The following SFSWAP variants were observed in gnomAD, a reference collection of about 807,000 sequenced individuals.
SFSWAP encodes the protein splicing factor SWAP.
SFSWAP carries 17 observed loss-of-function variants against 100.7 expected under a neutral mutation model. The observed-to-expected ratio is 0.17, with a 90% confidence interval of 0.12 to 0.25. SFSWAP has a LOEUF of 0.25. Among genes scored for constraint, SFSWAP ranks in the 10% least tolerant of loss-of-function variants. The pLI is 1.00. For synonymous variants in SFSWAP, 504 were observed against 510.1 expected (o/e 0.99, Z 0.16); for missense variants, 1,005 against 1,262.6 (o/e 0.80, Z 3.09).
intron 13 of SFSWAP, 149 bp downstream of exon 13, chr12:131,766,457 A>G: frequency 1.4e-6 from 1 of 735,254 alleles, no homozygotes; most frequent in Middle Eastern, 4.0e-4. Context: ...AGTGGCTTTT[A>G]CTCTATAGCA....
At chr12:131,719,419 A>G (rs1268915559) in intron 3 of SFSWAP, 35 bp from the exon 4 acceptor site, 1 of 1,553,182 alleles carries the variant, frequency 6.4e-7, no homozygotes, top group East Asian at 2.2e-5. Flanking sequence ...TCCTCCCTGC[A>G]TTGTTCTGAA....
intron 7 of SFSWAP, among the ~76,000 whole-genome samples, chr12:131,746,277 T>G (rs915009110): frequency 6.6e-6 from 1 of 152,256 alleles, no homozygotes; most frequent in Non-Finnish European, 1.5e-5. Context: ...GAGGTGGTTC[T>G]CAGATGGAGC....
At chr12:131,735,912 A>C (rs997608290) in intron 7 of SFSWAP, among the ~76,000 whole-genome samples, 17 of 152,260 alleles carry the variant, frequency 1.1e-4, no homozygotes, top group African/African-American at 3.9e-4. Context: ...TGTTTGCATA[A>C]ATTTTCATCA....
At chr12:131,784,956 T>G (rs1884781994) in intron 14 of SFSWAP, 1 of 738,514 alleles carries the variant, frequency 1.4e-6, no homozygotes, top group South Asian at 2.7e-5. Flanking sequence ...GAATTCTACG[T>G]GTAAGCATTC....
chr12:131,754,302 G>C, intron 8 of SFSWAP, 66 bp from the exon 9 acceptor site: 1 of 1,347,552 alleles, frequency 7.4e-7, no homozygotes, highest in Non-Finnish European at 9.8e-7. Context: ...GAGGACCCCC[G>C]AGCAGCCAGG....
rs1157399503 is a variant in SFSWAP, at chr12:131,794,359, C to T, written c.2535-2819C>T. Among the ~76,000 whole-genome samples, 4 of 147,662 alleles carry T rather than the reference C, an allele frequency of 2.7e-5. No individual in the cohort carries two copies. The highest frequency in any genetic ancestry group is 2.7e-4 in the Admixed American group (4 of 14,834). ...AGGCTTTTTTTTTTTTTGGTAGAGA[C>T]CCCCATCTCTACTTAAAAAAAAAAA... On this transcript the variant is annotated intron_variant, in intron 15 of 17. Transcript: ENST00000261674. This position sits in a 1 kb window ranked among gnomAD's most constrained non-coding sequence, Gnocchi z 4.8.
At chr12:131,750,713 CAG>C (rs976939202) in intron 7 of SFSWAP, among the ~76,000 whole-genome samples, 10 of 152,148 alleles carry the variant, frequency 6.6e-5, no homozygotes, top group African/African-American at 2.2e-4. Context: ...GAGCTCAGCT[CAG>C]GGGCTCACTC....
At chr12:131,726,353 G>A (rs774467037) in intron 5 of SFSWAP, among the ~76,000 whole-genome samples, 1 of 152,206 alleles carries the variant, frequency 6.6e-6, no homozygotes, top group Non-Finnish European at 1.5e-5. Flanking sequence ...GGGATCGTGG[G>A]CACGTGCCAC....
Position 131,797,234 on chromosome 12 carries a change from C to T in SFSWAP, c.2591C>T (p.Ala864Val). ...TCCCGGTCGCGGACCAAGTCCAAGG[C>T]CAGGTCTCAGTCGGTGTCACCCAGC... ...RRSRSRTKSK[A>V]RSQSVSPSKQ... is the part of the protein sequence containing the mutation. Residue 864 changes from alanine to valine, a missense_variant, in exon 16 of 18, where the codon GCC (alanine) becomes GTC (valine). By Grantham distance (64) the Ala-to-Val change is moderately conservative. Coordinates refer to ENST00000261674, the MANE Select transcript of SFSWAP (RefSeq NM_004592.4). The T allele has an allele frequency of 6.2e-7, 1 of 1,612,532 alleles. No individual in the cohort carries two copies. Among genetic ancestry groups the T allele is most frequent in the Non-Finnish European group, 8.5e-7 (1 of 1,179,858 alleles).
Position 131,754,562 on chromosome 12 carries a change from T to A in SFSWAP, c.1454+63T>A, listed in dbSNP as rs574604255. ...TTGGGGGTTTCGTTTAGCCTTTTTT[T>A]AAAAAAATGTAGGTACAGAATTAAT... On this transcript the variant is annotated intron_variant, in intron 9 of 17. Coordinates refer to ENST00000261674, the MANE Select transcript of SFSWAP (RefSeq NM_004592.4). 52 of 1,213,578 alleles carry A rather than the reference T, an allele frequency of 4.3e-5. No individual in the cohort carries two copies. In the South Asian group the frequency reaches 7.4e-4, roughly 17 times the overall value. 75.2% of individuals were successfully genotyped at this position (1,213,578 alleles called of 1,614,324 possible).
Position 131,719,856 on chromosome 12 carries a change from C to T in SFSWAP, c.606+317C>T, listed in dbSNP as rs181357056. Among the ~76,000 whole-genome samples, 636 of 152,296 alleles carry T rather than the reference C, an allele frequency of 4.2e-3. 4 individuals carry two copies. Among genetic ancestry groups the T allele is most frequent in the South Asian group, 0.023 (110 of 4,824 alleles). On this transcript the variant is annotated intron_variant, in intron 4 of 17. Transcript: ENST00000261674. ...AGGATCAGTGGCGAGTGGGCTGCTCCCCACACATAGATGTAAAAGCACTCA... is the reference window on the plus strand; with the variant it reads ...AGGATCAGTGGCGAGTGGGCTGCTCTCCACACATAGATGTAAAAGCACTCA...
At chr12:131,740,966 CTTTTTTT>C (rs60047663) in intron 7 of SFSWAP, among the ~76,000 whole-genome samples, 2,463 of 70,160 alleles carry the variant, frequency 0.035, 29 homozygotes, top group South Asian at 0.074. Context: ...TCTTTTTTTT[CTTTTTTT>C]TTTTTTTTTT....
intron 15 of SFSWAP, among the ~76,000 whole-genome samples, chr12:131,791,908 C>T (rs1412181543): frequency 1.3e-5 from 2 of 152,256 alleles, no homozygotes; most frequent in African/African-American, 4.8e-5. Flanking sequence ...GTTCACAGAT[C>T]AGTACTGTGT....
rs114325949 is a variant in SFSWAP at position 131,780,719 on chromosome 12, G to A, written c.2408+2389G>A. Among the ~76,000 whole-genome samples the A allele has an allele frequency of 6.7e-3, 1,015 of 152,224 alleles. 14 individuals are homozygous for A. The highest frequency in any genetic ancestry group is 0.023 in the African/African-American group (965 of 41,536). On this transcript the variant is annotated intron_variant, in intron 14 of 17. Transcript: ENST00000261674. ...TTTCCCACTTGAATATGTTTCTTACGACATTACATAGCTGAAGATAGGCAT... is the reference window on the plus strand; with the variant it reads ...TTTCCCACTTGAATATGTTTCTTACAACATTACATAGCTGAAGATAGGCAT...
At chr12:131,792,649 GTGTGT>G (rs1396230995) in intron 15 of SFSWAP, among the ~76,000 whole-genome samples, 1 of 152,182 alleles carries the variant, frequency 6.6e-6, no homozygotes, top group Non-Finnish European at 1.5e-5. Context: ...GCACATGCAT[GTGTGT>G]TCACAGACCA....
chr12:131,722,378 A>G (rs1321269132), intron 4 of SFSWAP, among the ~76,000 whole-genome samples: 1 of 152,168 alleles, frequency 6.6e-6, no homozygotes, highest in East Asian at 1.9e-4. Context: ...CCTGGGCAAC[A>G]TAGTGAGATC....
chr12:131,767,700 C>G (rs978821167), intron 13 of SFSWAP, among the ~76,000 whole-genome samples: 3 of 152,176 alleles, frequency 2.0e-5, no homozygotes, highest in Non-Finnish European at 1.5e-5. Flanking sequence ...TCAACCTAAT[C>G]TCTCTCTTTA....
chr12:131,753,524 A>G, intron 8 of SFSWAP, 161 bp downstream of exon 8: 1 of 993,564 alleles, frequency 1.0e-6, no homozygotes, highest in Non-Finnish European at 1.4e-6. Context: ...CAAAGTTGAC[A>G]GGAAAACAGA....
chr12:131,732,056 C>G (rs1201725793), intron 7 of SFSWAP, among the ~76,000 whole-genome samples: 1 of 151,574 alleles, frequency 6.6e-6, no homozygotes, highest in African/African-American at 2.4e-5. Flanking sequence ...ATCACAGGCG[C>G]TCGTCACCAC....
Sources: gnomAD v4.1 joint callset for allele counts (sites outside exome capture counted in the v4.1 genomes callset) on GRCh38, gnomAD v4.1.1 for gene constraint, Gnocchi (gnomAD v3.1) non-coding constraint, MANE v1.5 for transcripts, NCBI Gene and HGNC (gene_info 2026-07-23, HGNC 2026-07-21) for gene names.